The following GAK variants were observed in gnomAD, a reference collection of about 807,000 sequenced individuals.
GAK encodes cyclin G associated kinase.
GAK carries 79 observed loss-of-function variants against 143.9 expected under a neutral mutation model. The observed-to-expected ratio is 0.55, with a 90% CI of 0.46 to 0.66. The LOEUF is 0.66. Ranked by LOEUF, GAK falls within the 30% of genes least tolerant of loss-of-function variation. The pLI is 0.00. For synonymous variants in GAK, 881 were observed against 765.5 expected, an observed-to-expected ratio of 1.15 and a Z score of -2.49; for missense variants, 1,693 against 1,779.7, an observed-to-expected ratio of 0.95 and a Z score of 0.88.
At chr4:860,785 C>T (rs1314464153) in intron 23 of GAK, among the ~76,000 whole-genome samples, 3 of 151,860 alleles carry the variant, frequency 2.0e-5, no homozygotes, top group African/African-American at 4.8e-5. Context: ...TGGCGCACCT[C>T]GCACTGTGCA....
At chr4:922,545 G>A (rs946632429) in intron 1 of GAK, among the ~76,000 whole-genome samples, 61 of 148,526 alleles carry the variant, frequency 4.1e-4, no homozygotes, top group African/African-American at 1.5e-3. Context: ...GGCAGCATCT[G>A]CAAACCAGCA....
At chr4:905,884 G>A (rs1471653884) in intron 4 of GAK, among the ~76,000 whole-genome samples, 1 of 152,270 alleles carries the variant, frequency 6.6e-6, no homozygotes, top group Non-Finnish European at 1.5e-5. Flanking sequence ...GTATGAGGAT[G>A]CCCACCTCAG....
intron 5 of GAK, among the ~76,000 whole-genome samples, chr4:902,800 CA>C (rs1720188400): frequency 6.6e-6 from 1 of 152,196 alleles, no homozygotes; most frequent in South Asian, 2.1e-4. Flanking sequence ...CGACACTTAG[CA>C]GATTATGAGA....
At chr4:912,923 G>A (rs539099652) in intron 2 of GAK, 129 bp from the exon 3 acceptor site, 10 of 628,980 alleles carry the variant, frequency 1.6e-5, no homozygotes, top group East Asian at 5.8e-5. Context: ...CCCCCGTTTC[G>A]TGTGTCTCCA....
At chr4:931,958 C>T (rs1725925075) in intron 1 of GAK, 85 bp downstream of exon 1, 1 of 1,008,470 alleles carries the variant, frequency 9.9e-7, no homozygotes, top group Non-Finnish European at 1.5e-6. Context: ...TAACCCACGC[C>T]CTTCCACTCC....
intron 26 of GAK, 140 bp from the exon 27 acceptor site, chr4:850,208 T>TG: frequency 1.3e-6 from 1 of 752,578 alleles, no homozygotes; most frequent in South Asian, 2.0e-5. Flanking sequence ...ACTGTCCCAC[T>TG]GCACGCCCTG....
chr4:888,745 G>A (rs2152839946), intron 11 of GAK, 102 bp downstream of exon 11: 5 of 1,433,862 alleles, frequency 3.5e-6, no homozygotes, highest in Non-Finnish European at 3.8e-6. Context: ...CCCCTGTGGG[G>A]CCTGATGACC....
chr4:904,823 C>T (rs1409332702), intron 4 of GAK, 44 bp from the exon 5 acceptor site: 11 of 1,597,756 alleles, frequency 6.9e-6, no homozygotes, highest in East Asian at 2.3e-5. Context: ...GAACAGGGTC[C>T]GGAGACAGGG....
rs1182873452 is a variant in GAK at position 894,143 on chromosome 4, G to C, written c.742-134C>G. On this transcript the variant is annotated intron_variant, in intron 7 of 27. Coordinates refer to ENST00000314167, the MANE Select transcript of GAK (RefSeq NM_005255.4). ...TGACATCGGAGCCGTGGGGAGCGCA[G>C]GGGTGACACTGGGGACTGCAGGGAA... is the stretch of plus-strand genomic sequence containing the variant. The C allele has an allele frequency of 5.6e-6, 6 of 1,071,418 alleles. No individual in the cohort carries two copies. The African/African-American group carries it at 9.9e-5, about 18-fold the overall frequency. 66.4% of individuals were successfully genotyped at this position (1,071,418 alleles called of 1,614,324 possible).
At chr4:912,030 C>T (rs1722131070) in intron 3 of GAK, 1 of 502,184 alleles carries the variant, frequency 2.0e-6, no homozygotes, top group Non-Finnish European at 3.9e-6. Context: ...CCACACACAC[C>T]TGACCACAGC....
chr4:864,331 A>G (rs1243811397), intron 23 of GAK, among the ~76,000 whole-genome samples: 1 of 152,216 alleles, frequency 6.6e-6, no homozygotes, highest in East Asian at 1.9e-4. Flanking sequence ...ACTATGCTCC[A>G]GCCTGGGTGA....
chr4:861,507 C>G lies in GAK; in HGVS notation c.3167-1785G>C, dbSNP rs573785169. Among the ~76,000 whole-genome samples the G allele has an allele frequency of 3.9e-5, 6 of 152,242 alleles. No homozygotes were observed. The South Asian group carries it at 1.2e-3, about 32-fold the overall frequency. On this transcript the variant is annotated intron_variant, in intron 23 of 27. Transcript: ENST00000314167. ...CCAGGAGGCTGAGGTGGGAGGATCC[C>G]TTGAGCTCAGGAGGTTGAGGCTGCA...
intron 24 of GAK, chr4:852,207 C>T (rs1414054366): frequency 1.7e-6 from 1 of 597,994 alleles, no homozygotes; most frequent in African/African-American, 1.9e-5. Flanking sequence ...AGGGCAGACA[C>T]CAGGACAGGG....
intron 5 of GAK, among the ~76,000 whole-genome samples, chr4:900,177 C>T (rs1719594564): frequency 6.6e-6 from 1 of 152,190 alleles, no homozygotes; most frequent in South Asian, 2.1e-4. Context: ...GTGCGCACAG[C>T]AGGACGATGC....
Position 868,539 on chromosome 4 carries a change from C to A in GAK, c.2395G>T (p.Glu799Ter), listed in dbSNP as rs779199863. ...GGCCAGGTCCAGGGACGCTGCCTAC[C>A]CTGCCAGTCCAGCGTGTGCAGGAAG... ...SRFLHTLDWQ[E>*]EKEAETGAEN... Residue 799 changes from glutamate (E) to a stop codon, truncating the protein, a stop_gained and splice_region_variant, in exon 20 of 28, where the codon GAA (glutamate) becomes TAA (stop). Transcript: ENST00000314167. LOFTEE classifies it high-confidence loss of function. 1.2e-6 allele frequency: 2 copies of A among 1,605,544 alleles called. No individual in the cohort carries two copies. Among genetic ancestry groups the A allele is most frequent in the South Asian group, 1.1e-5 (1 of 90,368 alleles).
rs542520429 is a variant in GAK, at chr4:884,957, C to A, written c.1206-871G>T. 3.9e-5 allele frequency among the ~76,000 whole-genome samples: 6 copies of A among 152,062 alleles called. No homozygotes were observed. In the East Asian group the frequency reaches 1.2e-3, roughly 29 times the overall value. ...GAACCATCGCCTGAAAGTGACCATG[C>A]GTTCAAACGTTTTAAAAGCCGTCTA... On this transcript the variant is annotated intron_variant, in intron 11 of 27. Transcript: ENST00000314167.
chr4:877,003 G>C (rs575268818), intron 17 of GAK, 87 bp downstream of exon 17: 5 of 903,532 alleles, frequency 5.5e-6, no homozygotes, highest in African/African-American at 4.9e-5. Context: ...CTGGACCCTC[G>C]GTGAGAAGTG....
chr4:914,239 C>A (rs140774466), intron 1 of GAK, among the ~76,000 whole-genome samples: 47 of 57,460 alleles, frequency 8.2e-4, no homozygotes, highest in South Asian at 1.8e-3. Context: ...CCAGCGTGCA[C>A]GGCCCCCCCC....
rs1232562573 is a variant in GAK at position 877,818 on chromosome 4, A to AGACGTGCCGCGTCACCACGT, written c.1662-29_1662-10dup. ...ACATGTACTCGATGTACCTGGGGGC[A>AGACGTGCCGCGTCACCACGT]GACGTGCCGCGTCACCACGTGACGT... On this transcript the variant is annotated splice_polypyrimidine_tract_variant and intron_variant, in intron 15 of 27. Transcript: ENST00000314167. 6.4e-7 allele frequency: 1 copy of AGACGTGCCGCGTCACCACGT among 1,569,084 alleles called. No homozygotes were observed. The highest frequency in any genetic ancestry group is 1.9e-5 in the Admixed American group (1 of 53,724).
Sources: allele counts gnomAD v4.1 joint callset (sites outside exome capture counted in the v4.1 genomes callset), GRCh38; gene constraint gnomAD v4.1.1; transcripts MANE v1.5; gene names NCBI Gene and HGNC (gene_info 2026-07-23, HGNC 2026-07-21).